The following FGF2 variants were observed in gnomAD, a reference collection of about 807,000 sequenced individuals.
The protein encoded by FGF2 is fibroblast growth factor 2, also known as basic fibroblast growth factor bFGF.
Under a neutral mutation model 15.9 loss-of-function variants are expected in FGF2, and 13 were observed. The observed-to-expected ratio is 0.82, with a 90% CI of 0.53 to 1.30. The LOEUF is 1.30. FGF2 is among the 50% of genes most tolerant of loss of function. FGF2 has a pLI of 0.00. For synonymous variants in FGF2, 90 were observed against 78.4 expected, an observed-to-expected ratio of 1.15 and a Z score of -0.78; for missense variants, 163 against 196.9, an observed-to-expected ratio of 0.83 and a Z score of 1.03.
chr4:122,887,291 G>T (rs112547996), intron 2 of FGF2, among the ~76,000 whole-genome samples: 17,835 of 152,198 alleles, frequency 0.12, 1,139 homozygotes, highest in Middle Eastern at 0.21. Flanking sequence ...TCCAGCCTGG[G>T]TGACAGAGGG....
At chr4:122,838,362 A>G (rs1725908449) in intron 1 of FGF2, among the ~76,000 whole-genome samples, 2 of 152,214 alleles carry the variant, frequency 1.3e-5, no homozygotes, top group Non-Finnish European at 2.9e-5. Flanking sequence ...TACTTATTGA[A>G]TGAATGAGTG....
intron 1 of FGF2, among the ~76,000 whole-genome samples, chr4:122,858,491 G>A (rs943816253): frequency 3.3e-5 from 5 of 151,988 alleles, no homozygotes; most frequent in African/African-American, 1.2e-4. Flanking sequence ...TCCGCCTCCT[G>A]GGTTCAAGTG....
intron 1 of FGF2, among the ~76,000 whole-genome samples, chr4:122,871,363 CT>C (rs1210043890): frequency 6.6e-6 from 1 of 151,888 alleles, no homozygotes; most frequent in Non-Finnish European, 1.5e-5. Flanking sequence ...AGTTCAAGTC[CT>C]GAATATCCTT....
intron 1 of FGF2, among the ~76,000 whole-genome samples, chr4:122,851,004 G>A (rs189628859): frequency 3.3e-4 from 50 of 152,192 alleles, no homozygotes; most frequent in South Asian, 2.1e-4. Flanking sequence ...ACTTTCTTTG[G>A]GGAGAGAAGA....
intron 1 of FGF2, among the ~76,000 whole-genome samples, chr4:122,865,827 AT>A (rs1352699960): frequency 6.6e-6 from 1 of 152,202 alleles, no homozygotes; most frequent in Non-Finnish European, 1.5e-5. Context: ...TTTTGGGCAT[AT>A]CTGCATGCAA....
Position 122,892,628 on chromosome 4 carries a change from T to C in FGF2, c.*232T>C. 1 of 1,427,682 alleles carries C rather than the reference T, an allele frequency of 7.0e-7. No homozygotes were observed. Among genetic ancestry groups the C allele is most frequent in the Non-Finnish European group, 9.1e-7 (1 of 1,093,386 alleles). 88.4% of individuals were successfully genotyped at this position (1,427,682 alleles called of 1,614,324 possible). A position where few individuals can be genotyped will look rare whatever the true frequency, so the allele number is the denominator to read the frequency against. On this transcript the variant is annotated 3_prime_UTR_variant, in exon 3 of 3. Transcript: ENST00000644866. Reference sequence around the variant, plus strand: ...TGCATCTGCTGTTACCCAGTGAAGCTTACCTAGAGCAATGATCTTTTTCAC... The same window carrying C: ...TGCATCTGCTGTTACCCAGTGAAGCCTACCTAGAGCAATGATCTTTTTCAC...
At chr4:122,858,378 T>G (rs1726382241) in intron 1 of FGF2, among the ~76,000 whole-genome samples, 1 of 151,890 alleles carries the variant, frequency 6.6e-6, no homozygotes, top group Non-Finnish European at 1.5e-5. Context: ...AGCAAATGAG[T>G]TCCTTTTTTT....
intron 1 of FGF2, among the ~76,000 whole-genome samples, chr4:122,851,247 T>G (rs557700094): frequency 1.3e-5 from 2 of 152,294 alleles, no homozygotes; most frequent in Non-Finnish European, 2.9e-5. Flanking sequence ...TGGGTAACTT[T>G]AAGGCAAAAC....
chr4:122,838,488 T>G (rs547106531), intron 1 of FGF2, among the ~76,000 whole-genome samples: 1 of 152,378 alleles, frequency 6.6e-6, no homozygotes, highest in African/African-American at 2.4e-5. Flanking sequence ...AAGAAAATAG[T>G]TTTTTTCCTA....
At chr4:122,841,645 A>C (rs948776962) in intron 1 of FGF2, among the ~76,000 whole-genome samples, 36 of 152,374 alleles carry the variant, frequency 2.4e-4, no homozygotes, top group African/African-American at 7.9e-4. Context: ...AACTATTTTA[A>C]TAGACAGCTG....
chr4:122,895,145 A>G lies in FGF2; in HGVS notation c.*2749A>G, dbSNP rs1191127996. 2.0e-5 allele frequency: 3 copies of G among 152,218 alleles called. No homozygotes were observed. Among genetic ancestry groups the G allele is most frequent in the Non-Finnish European group, 2.9e-5 (2 of 68,036 alleles). The allele number at this position is 152,218 out of a possible 1,614,324, so 9.4% of individuals were successfully genotyped here. ...GTATGCGGGAGACCCTTCCACCTCA[A>G]GATGGATATTTCTTCCCCAAGGATT... On this transcript the variant is annotated 3_prime_UTR_variant, in exon 3 of 3. Coordinates refer to ENST00000644866, the MANE Select transcript of FGF2 (RefSeq NM_001361665.2).
intron 1 of FGF2, among the ~76,000 whole-genome samples, chr4:122,832,252 T>C (rs1018630882): frequency 1.3e-5 from 2 of 152,090 alleles, no homozygotes; most frequent in African/African-American, 4.8e-5. Context: ...TTGGGGCACA[T>C]ATCTTTTTCT....
intron 1 of FGF2, among the ~76,000 whole-genome samples, chr4:122,830,373 G>A (rs1165321440): frequency 6.6e-6 from 1 of 151,806 alleles, no homozygotes; most frequent in Non-Finnish European, 1.5e-5. Context: ...GGTAGGAGAA[G>A]ATGACACAAC....
At position 122,848,640 on chromosome 4, in the gene FGF2, T is replaced by C. The variant is rs570443436; in HGVS notation, c.178+21288T>C. 2.6e-5 allele frequency among the ~76,000 whole-genome samples: 4 copies of C among 152,280 alleles called. 1 individual carries two copies. In the South Asian group the frequency reaches 8.3e-4, roughly 32 times the overall value. ...TGAGGATATGGGCCACAGAGGGGAATTGAGGCTGCAGGCTGATTACATAGC... is the reference window on the plus strand; with the variant it reads ...TGAGGATATGGGCCACAGAGGGGAACTGAGGCTGCAGGCTGATTACATAGC... On this transcript the variant is annotated intron_variant, in intron 1 of 2. Transcript: ENST00000644866.
At chr4:122,853,141 T>C (rs1286659680) in intron 1 of FGF2, among the ~76,000 whole-genome samples, 2 of 151,924 alleles carry the variant, frequency 1.3e-5, no homozygotes, top group Non-Finnish European at 1.5e-5. Flanking sequence ...CTACCAAAAA[T>C]ACAAAAATTA....
chr4:122,868,221 C>T (rs1726646686), intron 1 of FGF2, among the ~76,000 whole-genome samples: 1 of 152,030 alleles, frequency 6.6e-6, no homozygotes, highest in Admixed American at 6.5e-5. Flanking sequence ...ATACGTGTGC[C>T]ATGCTGGTTT....
chr4:122,895,595 A>AT lies in FGF2; in HGVS notation c.*3205dup, dbSNP rs1210951253. ...TACTCTTCCTGCCAGTGGTAATACGATTTTTTAAGAAGGCAGTTTGTCAAT... is the reference window on the plus strand; with the variant it reads ...TACTCTTCCTGCCAGTGGTAATACGATTTTTTTAAGAAGGCAGTTTGTCAAT... On this transcript the variant is annotated 3_prime_UTR_variant, in exon 3 of 3. Transcript: ENST00000644866. 6.6e-6 allele frequency: 1 copy of AT among 152,112 alleles called. No homozygotes were observed. Among genetic ancestry groups the AT allele is most frequent in the East Asian group, 1.9e-4 (1 of 5,196 alleles). 9.4% of individuals were successfully genotyped at this position (152,112 alleles called of 1,614,324 possible).
At chr4:122,863,442 C>T (rs1726512828) in intron 1 of FGF2, among the ~76,000 whole-genome samples, 1 of 152,038 alleles carries the variant, frequency 6.6e-6, no homozygotes, top group Admixed American at 6.5e-5. Flanking sequence ...GTGTGTAGGA[C>T]TTAAGTGTTT....
intron 2 of FGF2, chr4:122,882,971 T>C (rs780995180): frequency 6.6e-6 from 1 of 152,228 alleles, no homozygotes; most frequent in Non-Finnish European, 1.5e-5. Flanking sequence ...GTCAGATCCA[T>C]AGACATTAAA....
Sources: gnomAD v4.1 joint callset for allele counts (sites outside exome capture counted in the v4.1 genomes callset) on GRCh38, gnomAD v4.1.1 for gene constraint, MANE v1.5 for transcripts, NCBI Gene and HGNC (gene_info 2026-07-23, HGNC 2026-07-21) for gene names.